CD180: variants seen among roughly 807,000 people sequenced by gnomAD.
CD180 encodes CD180 molecule, also known as CD180 antigen.
A neutral mutation model predicts 10.7 loss-of-function variants in CD180; 11 were observed. That is an observed-to-expected ratio of 1.03 (90% CI 0.65 to 1.70). The LOEUF (loss-of-function observed/expected upper bound fraction) is 1.70. CD180 is among the 40% of genes most tolerant of loss of function. The pLI, the probability that CD180 is intolerant of heterozygous loss-of-function variation, is 0.00. For missense variants in CD180, 729 were observed against 775.2 expected (o/e 0.94, Z 0.71); for synonymous variants, 286 against 294.6 (o/e 0.97, Z 0.30).
At chr5:67,193,379 T>C (rs1432598511) in intron 1 of CD180, among the ~76,000 whole-genome samples, 1 of 152,214 alleles carries the variant, frequency 6.6e-6, no homozygotes, top group Non-Finnish European at 1.5e-5. Context: ...GTTTATTCTT[T>C]TAGCCACCCC....
At chr5:67,187,811 A>G (rs1173318175) in intron 1 of CD180, among the ~76,000 whole-genome samples, 1 of 152,168 alleles carries the variant, frequency 6.6e-6, no homozygotes, top group Non-Finnish European at 1.5e-5. Flanking sequence ...CTAAGAGGTG[A>G]GGCCTTTGGG....
chr5:67,190,980 C>G, intron 1 of CD180: 1 of 985,392 alleles, frequency 1.0e-6, no homozygotes, highest in Non-Finnish European at 1.2e-6. Context: ...GCAGCCACCT[C>G]CCCATGCATC....
rs1424935540 is a variant in CD180, at chr5:67,184,119, G to A, written c.724C>T (p.Leu242=). Residue 242 remains leucine (L), a synonymous_variant, in exon 3 of 3, where the codon CTG becomes TTG. Transcript: ENST00000256447. The part of the protein sequence containing the change: ...TPNLSVIFNG[L]QNSTTQSLWL... ...AGAGACTGAGTAGTAGAGTTCTGCA[G>A]ACCATTGAATATAACAGACAAATTT... 2 of 1,614,076 alleles carry A rather than the reference G, an allele frequency of 1.2e-6. No homozygotes were observed. Among genetic ancestry groups the A allele is most frequent in the African/African-American group, 1.3e-5 (1 of 74,936 alleles).
rs1178027282 is a variant in CD180, at chr5:67,196,680, G to A, written c.-39C>T. On this transcript the variant is annotated 5_prime_UTR_variant, in exon 1 of 3. Coordinates refer to ENST00000256447, the MANE Select transcript of CD180 (RefSeq NM_005582.3). Reference sequence around the variant, plus strand: ...TGCTTGGTGGGTTTACCTAATGCTTGGAGCTGAGAAATGGAATCAAACTGT... The same window carrying A: ...TGCTTGGTGGGTTTACCTAATGCTTAGAGCTGAGAAATGGAATCAAACTGT... 3.1e-6 allele frequency: 5 copies of A among 1,613,242 alleles called. No homozygotes were observed. The highest frequency in any genetic ancestry group is 3.4e-6 in the Non-Finnish European group (4 of 1,179,618).
chr5:67,196,428 TACACCTTA>T, intron 1 of CD180, 116 bp downstream of exon 1: 1 of 832,362 alleles, frequency 1.2e-6, no homozygotes, highest in Non-Finnish European at 1.9e-6. Context: ...AAATTATATA[TACACCTTA>T]TTTCCTTTTT....
In CD180 at chr5:67,185,954, G is replaced by T. The variant is rs375872136; in HGVS notation, c.154C>A (p.Pro52Thr). ...AATTCCAAAAATTCTGTTGTGTTTGGTAGAGTGTCAGGGATTTCACTGAGA... is the reference window on the plus strand; with the variant it reads ...AATTCCAAAAATTCTGTTGTGTTTGTTAGAGTGTCAGGGATTTCACTGAGA... ...LGLSEIPDTLPNTTEFLEFSF... is the reference protein window; with the variant it reads ...LGLSEIPDTLTNTTEFLEFSF... The change falls in exon 2 of 3, where the codon CCA becomes ACA. Residue 52 changes from proline to threonine, a missense_variant. Physicochemically the swap from Pro to Thr is conservative, Grantham distance 38 (BLOSUM62 -1). Transcript: ENST00000256447. 12 of 1,610,990 alleles carry T rather than the reference G, an allele frequency of 7.4e-6. No homozygotes were observed. The highest frequency in any genetic ancestry group is 1.0e-5 in the Non-Finnish European group (12 of 1,178,534).
At position 67,183,797 on chromosome 5, in the gene CD180, T is replaced by C; in HGVS notation, c.1046A>G (p.His349Arg). The C allele has an allele frequency of 6.2e-7, 1 of 1,613,814 alleles. No homozygotes were observed. The highest frequency in any genetic ancestry group is 8.5e-7 in the Non-Finnish European group (1 of 1,179,888). ...CTTCACGTTGCCTCTGATGTAGAGG[T>C]GTGTAAGGGAGGGGAAATTGGCAGC... ...ISAANFPSLT[H>R]LYIRGNVKKL... Residue 349 changes from histidine (H) to arginine (R), a missense_variant, in exon 3 of 3, where the codon CAC becomes CGC. Transcript: ENST00000256447.
rs1561235932 is a variant in CD180, at chr5:67,186,877, A to ATGTGTGT, written c.91-861_91-860insACACACA. 7.1e-3 allele frequency among the ~76,000 whole-genome samples: 800 copies of ATGTGTGT among 112,730 alleles called. 9 individuals are homozygous for ATGTGTGT. The highest frequency in any genetic ancestry group is 0.028 in the African/African-American group (717 of 25,404). The allele number at this position is 112,730 out of a possible 152,430, so 74.0% of individuals were successfully genotyped here. A position where few individuals can be genotyped will look rare whatever the true frequency, so the allele number is the denominator to read the frequency against. Reference sequence around the variant, plus strand: ...GTGTGTGTGTGTGTGTGTGTGTGAAAGAGAGAGAGAGAGAGAGAGAGAATG... The same window carrying ATGTGTGT: ...GTGTGTGTGTGTGTGTGTGTGTGAAATGTGTGTGAGAGAGAGAGAGAGAGAGAGAATG... On this transcript the variant is annotated intron_variant, in intron 1 of 2. Transcript: ENST00000256447.
rs772324211 is a variant in CD180, at chr5:67,183,864, C to A, written c.979G>T (p.Val327Phe). 8 of 1,614,204 alleles carry A rather than the reference C, an allele frequency of 5.0e-6. No individual in the cohort carries two copies. The highest frequency in any genetic ancestry group is 6.8e-6 in the Non-Finnish European group (8 of 1,180,040). Residue 327 changes from valine to phenylalanine, a missense_variant, in exon 3 of 3, where the codon GTT becomes TTT. Transcript: ENST00000256447. Reference sequence around the variant, plus strand: ...TGATCGAAATGATTTACACTGAGAACTAATTTCTTGAGCAAGTTCAGACCC... The same window carrying A: ...TGATCGAAATGATTTACACTGAGAAATAATTTCTTGAGCAAGTTCAGACCC... ...MKGLNLLKKLVLSVNHFDQLC... is the reference protein window; with the variant it reads ...MKGLNLLKKLFLSVNHFDQLC...
intron 1 of CD180, among the ~76,000 whole-genome samples, chr5:67,192,157 G>A (rs1199680532): frequency 4.6e-5 from 7 of 152,284 alleles, no homozygotes; most frequent in African/African-American, 1.2e-4. Context: ...TTGGGAGGCC[G>A]AGGTGGGCGG....
chr5:67,187,782 C>G (rs1333509822), intron 1 of CD180, among the ~76,000 whole-genome samples: 2 of 152,092 alleles, frequency 1.3e-5, no homozygotes, highest in Non-Finnish European at 2.9e-5. Flanking sequence ...GTGTTGAGAA[C>G]TTAATTGCCA....
chr5:67,196,387 G>T (rs5744464), intron 1 of CD180, among the ~76,000 whole-genome samples, 165 bp downstream of exon 1: 9,915 of 152,218 alleles, frequency 0.065, 335 homozygotes, highest in Non-Finnish European at 0.075. Flanking sequence ...CCCTGGCAGA[G>T]TTCTTTGGCT....
chr5:67,183,880 G>C lies in CD180; in HGVS notation c.963C>G (p.Asn321Lys), dbSNP rs1207247426. Reference sequence around the variant, plus strand: ...CACTGAGAACTAATTTCTTGAGCAAGTTCAGACCCTTCATCCCAGAGGGTA... The same window carrying C: ...CACTGAGAACTAATTTCTTGAGCAACTTCAGACCCTTCATCCCAGAGGGTA... ...KGLPSGMKGL[N>K]LLKKLVLSVN... The change falls in exon 3 of 3, where the codon AAC becomes AAG. Residue 321 changes from asparagine to lysine, a missense_variant. Coordinates refer to ENST00000256447, the MANE Select transcript of CD180 (RefSeq NM_005582.3). 1 of 1,614,096 alleles carries C rather than the reference G, an allele frequency of 6.2e-7. No homozygotes were observed. The highest frequency in any genetic ancestry group is 2.2e-5 in the East Asian group (1 of 44,898).
At chr5:67,184,906 A>G (rs1028389873) in intron 2 of CD180, among the ~76,000 whole-genome samples, 4 of 152,140 alleles carry the variant, frequency 2.6e-5, no homozygotes, top group Admixed American at 2.0e-4. Flanking sequence ...TACAAAATAT[A>G]TCATATAGAA....
rs1185543408 is a variant in CD180 at position 67,184,252 on chromosome 5, C to T, written c.591G>A (p.Glu197=). The change falls in exon 3 of 3, where the codon GAG becomes GAA. Residue 197 remains glutamate, a synonymous_variant. Transcript: ENST00000256447. Reference sequence around the variant, plus strand: ...AGTTCAGGCTTAGGTTGATGGCCTGCTCCAGAGACCTCATGTCTTCTCTAG... The same window carrying T: ...AGTTCAGGCTTAGGTTGATGGCCTGTTCCAGAGACCTCATGTCTTCTCTAG... ...YISREDMRSL[E]QAINLSLNFN... 1.2e-6 allele frequency: 2 copies of T among 1,614,034 alleles called. No individual in the cohort carries two copies. The highest frequency in any genetic ancestry group is 3.3e-5 in the Admixed American group (2 of 60,014).
intron 1 of CD180, among the ~76,000 whole-genome samples, chr5:67,186,873 TGAAA>T (rs1362254841): frequency 2.9e-5 from 4 of 139,806 alleles, no homozygotes; most frequent in South Asian, 2.2e-4. Context: ...TGTGTGTGTG[TGAAA>T]GAGAGAGAGA....
At chr5:67,186,272 G>A in intron 1 of CD180, 2 of 255,398 alleles carry the variant, frequency 7.8e-6, no homozygotes, top group East Asian at 7.4e-5. Flanking sequence ...TTCACAAAAT[G>A]GAATCCTCTA....
At chr5:67,185,774 C>T in intron 2 of CD180, 77 bp downstream of exon 2, 4 of 1,148,932 alleles carry the variant, frequency 3.5e-6, no homozygotes, top group Non-Finnish European at 3.5e-6. Flanking sequence ...CCAAAAAGGT[C>T]CTGCAAATAA....
chr5:67,185,327 AC>A (rs1742170219), intron 2 of CD180, among the ~76,000 whole-genome samples: 1 of 143,264 alleles, frequency 7.0e-6, no homozygotes, highest in Admixed American at 6.8e-5. Flanking sequence ...ACACACACAC[AC>A]GCAGTATAGC....
Sources: allele counts gnomAD v4.1 joint callset (sites outside exome capture counted in the v4.1 genomes callset), GRCh38; gene constraint gnomAD v4.1.1; transcripts MANE v1.5; gene names NCBI Gene and HGNC (gene_info 2026-07-23, HGNC 2026-07-21).